AGPAT1: variants seen among roughly 807,000 people sequenced by gnomAD.
AGPAT1 encodes 1-acylglycerol-3-phosphate O-acyltransferase 1.
Under a neutral mutation model 31.2 loss-of-function variants are expected in AGPAT1, and 6 were observed. That is an observed-to-expected ratio of 0.19 (90% CI 0.11 to 0.38). The LOEUF (loss-of-function observed/expected upper bound fraction) is 0.38. Among genes scored for constraint, AGPAT1 ranks in the 10% least tolerant of loss-of-function variants. The pLI is 1.00. For missense variants in AGPAT1, 187 were observed against 377.8 expected (o/e 0.49, Z 4.19); for synonymous variants, 139 against 154.0 (o/e 0.90, Z 0.72).
chr6:32,170,138 A>G lies in AGPAT1; in HGVS notation c.606+27T>C. The G allele has an allele frequency of 6.2e-7, 1 of 1,613,396 alleles. No homozygotes were observed. The highest frequency in any genetic ancestry group is 8.5e-7 in the Non-Finnish European group (1 of 1,179,338). On this transcript the variant is annotated intron_variant, in intron 5 of 6. Transcript: ENST00000375107. The surrounding 1 kb of genome is among the most constrained non-coding windows in gnomAD (Gnocchi z 7.7). ...AGGGAATGGTGGGGGTTGGCAGCTGAGTAGCAGAACGAAGAGCAGTAGTCA... is the reference window on the plus strand; with the variant it reads ...AGGGAATGGTGGGGGTTGGCAGCTGGGTAGCAGAACGAAGAGCAGTAGTCA...
At position 32,170,730 on chromosome 6, in the gene AGPAT1, G is replaced by C. The variant is rs1054303097; in HGVS notation, c.335-130C>G. The C allele has an allele frequency of 1.5e-6, 2 of 1,361,776 alleles. No homozygotes were observed. The highest frequency in any genetic ancestry group is 2.1e-6 in the Non-Finnish European group (2 of 973,724). 84.4% of individuals were successfully genotyped at this position (1,361,776 alleles called of 1,614,324 possible). The stretch of plus-strand genomic sequence containing the variant: ...AGGAGGAGACTAGGCAGGGAGGGGG[G>C]CCCCAAGTGAAGGAAAGGGTGACCA... On this transcript the variant is annotated intron_variant, in intron 3 of 6. Transcript: ENST00000375107. The surrounding 1 kb of genome is among the most constrained non-coding windows in gnomAD (Gnocchi z 7.7).
At chr6:32,176,233 G>T, upstream of AGPAT1, 2 of 825,146 alleles carry the variant, frequency 2.4e-6, no homozygotes, top group Non-Finnish European at 2.9e-6. Context: ...TGCGAGCCCC[G>T]CCCCAGGGCT....
Position 32,169,319 on chromosome 6 carries a change from C to G in AGPAT1, c.809G>C (p.Arg270Pro), listed in dbSNP as rs748794275. 106 of 1,612,810 alleles carry G rather than the reference C, an allele frequency of 6.6e-5. 3 individuals carry two copies. The South Asian group carries it at 1.0e-3, about 15-fold the overall frequency. ...TVFREISTDG[R>P]GGGDYLKKPG... ...CTTCTTCAGATAGTCACCACCACCCCGGCCATCAGTGGAGATTTCCCGGAA... is the reference window on the plus strand; with the variant it reads ...CTTCTTCAGATAGTCACCACCACCCGGGCCATCAGTGGAGATTTCCCGGAA... The change falls in exon 7 of 7, where the codon CGG becomes CCG. Residue 270 changes from arginine (R) to proline (P), a missense_variant. Arg to Pro is a moderately radical substitution (Grantham distance 103). Coordinates refer to ENST00000375107, the MANE Select transcript of AGPAT1 (RefSeq NM_006411.4). The surrounding 1 kb of genome is among the most constrained non-coding windows in gnomAD (Gnocchi z 5.9).
chr6:32,176,110 C>G (rs989148136), upstream of AGPAT1: 35 of 985,626 alleles, frequency 3.6e-5, no homozygotes, highest in African/African-American at 5.9e-4. Flanking sequence ...CTCCCCAACG[C>G]CTGCTGGTTT....
At chr6:32,177,606 C>G (rs1432428754), upstream of AGPAT1, 2 of 152,300 alleles carry the variant, frequency 1.3e-5, no homozygotes, top group African/African-American at 4.8e-5. Flanking sequence ...CGCCGCAGAT[C>G]GATGTTCCCA....
chr6:32,169,831 G>A lies in AGPAT1; in HGVS notation c.679+135C>T. 1.2e-6 allele frequency: 1 copy of A among 811,044 alleles called. No homozygotes were observed. The highest frequency in any genetic ancestry group is 1.6e-5 in the South Asian group (1 of 60,688). 50.2% of individuals were successfully genotyped at this position (811,044 alleles called of 1,614,324 possible). ...GGTGGGTGCTTAGTAAAGACTTATT[G>A]GCTGATGTGGGGTTAGACTAGATGA... On this transcript the variant is annotated intron_variant, in intron 6 of 6. Transcript: ENST00000375107. The surrounding 1 kb of genome is among the most constrained non-coding windows in gnomAD (Gnocchi z 5.9).
chr6:32,175,966 G>A lies in AGPAT1; in HGVS notation c.-162C>T. 1 of 985,628 alleles carries A rather than the reference G, an allele frequency of 1.0e-6. No homozygotes were observed. Among genetic ancestry groups the A allele is most frequent in the Non-Finnish European group, 1.2e-6 (1 of 830,108 alleles). The allele number at this position is 985,628 out of a possible 1,614,324, so 61.1% of individuals were successfully genotyped here. A position where few individuals can be genotyped will look rare whatever the true frequency, so the allele number is the denominator to read the frequency against. On this transcript the variant is annotated 5_prime_UTR_variant, in exon 1 of 7. Transcript: ENST00000375107. This position sits in a 1 kb window ranked among gnomAD's most constrained non-coding sequence, Gnocchi z 4.5. ...GTGTCCTAGCCCCGGCCGATGGAGG[G>A]GAGGTGGGAGTGGGAGGTTGGGCCC... is the stretch of plus-strand genomic sequence containing the variant.
In AGPAT1 at chr6:32,169,290, C is replaced by T. The variant is rs1784834826; in HGVS notation, c.838G>A (p.Gly280Arg). 1.2e-6 allele frequency: 2 copies of T among 1,612,884 alleles called. No individual in the cohort carries two copies. Among genetic ancestry groups the T allele is most frequent in the Non-Finnish European group, 1.7e-6 (2 of 1,179,910 alleles). ...RGGGDYLKKP[G>R]GGG is the part of the protein sequence containing the mutation. ...AGAGCCAGGGTTCACCCACCGCCCCCAGGCTTCTTCAGATAGTCACCACCA... is the reference window on the plus strand; with the variant it reads ...AGAGCCAGGGTTCACCCACCGCCCCTAGGCTTCTTCAGATAGTCACCACCA... Residue 280 changes from glycine to arginine, a missense_variant, in exon 7 of 7, where the codon GGG (glycine) becomes AGG (arginine). Gly to Arg is a moderately radical substitution (Grantham distance 125, BLOSUM62 -2). This residue lies in a region of AGPAT1 where 29 missense variants were observed against 33.8 expected (regional missense o/e 0.86). Transcript: ENST00000375107. This position sits in a 1 kb window ranked among gnomAD's most constrained non-coding sequence, Gnocchi z 5.9.
chr6:32,175,505 G>A lies in AGPAT1; in HGVS notation c.-10+309C>T, dbSNP rs1023649134. 6.6e-6 allele frequency among the ~76,000 whole-genome samples: 1 copy of A among 152,078 alleles called. No individual in the cohort carries two copies. The highest frequency in any genetic ancestry group is 3.2e-3 in the Middle Eastern group (1 of 316). ...TCATGACCCTTCAAGAGTCATGTGG[G>A]GTCAAAGGGCAAGAAAAGGAATTGG... On this transcript the variant is annotated intron_variant, in intron 1 of 6. Transcript: ENST00000375107. The surrounding 1 kb of genome is among the most constrained non-coding windows in gnomAD (Gnocchi z 4.5).
rs957018823 is a variant in AGPAT1 at position 32,173,360 on chromosome 6, T to G, written c.-9-1855A>C. ...TAGAGGAAACAGGAGACCCTGCCAG[T>G]TGGAATACCGTAGGCTTTCTGAGCT... is the stretch of plus-strand genomic sequence containing the variant. On this transcript the variant is annotated intron_variant, in intron 1 of 6. Transcript: ENST00000375107. This position sits in a 1 kb window ranked among gnomAD's most constrained non-coding sequence, Gnocchi z 4.7. Among the ~76,000 whole-genome samples the G allele has an allele frequency of 3.3e-5, 5 of 152,220 alleles. No individual in the cohort carries two copies. Among genetic ancestry groups the G allele is most frequent in the Admixed American group, 6.5e-5 (1 of 15,290 alleles).
rs1462532771 is a variant in AGPAT1, at chr6:32,171,104, C to A, written c.201-34G>T. The A allele has an allele frequency of 1.2e-6, 2 of 1,601,436 alleles. No individual in the cohort carries two copies. The highest frequency in any genetic ancestry group is 2.2e-5 in the South Asian group (2 of 90,250). ...TCATGGCAAGGGGTCCCAGTGGGAT[C>A]CATTGATGTCCATCTGCATGCCTCA... On this transcript the variant is annotated intron_variant, in intron 2 of 6. Transcript: ENST00000375107. This position sits in a 1 kb window ranked among gnomAD's most constrained non-coding sequence, Gnocchi z 6.9.
rs192459962 is a variant in AGPAT1 at position 32,170,809 on chromosome 6, G to C, written c.334+128C>G. 1,137 of 1,323,936 alleles carry C rather than the reference G, an allele frequency of 8.6e-4. 6 individuals are homozygous for C. The highest frequency in any genetic ancestry group is 1.5e-4 in the Non-Finnish European group (146 of 945,424). The allele number at this position is 1,323,936 out of a possible 1,614,324, so 82.0% of individuals were successfully genotyped here. A position where few individuals can be genotyped will look rare whatever the true frequency, so the allele number is the denominator to read the frequency against. On this transcript the variant is annotated intron_variant, in intron 3 of 6. Coordinates refer to ENST00000375107, the MANE Select transcript of AGPAT1 (RefSeq NM_006411.4). This position sits in a 1 kb window ranked among gnomAD's most constrained non-coding sequence, Gnocchi z 7.7. ...AGTTCTACCCAGGGAATGAAGGCCT[G>C]AGTGGGAGGCAAGGGGGCAATGTCC...
Position 32,168,976 on chromosome 6 carries a change from C to G in AGPAT1, c.*300G>C, listed in dbSNP as rs1784801105. ...TCCACTGGGGATGGAATGTTCCCCT[C>G]CCTTGTGTAGGCTGAGTCACTGGAG... On this transcript the variant is annotated 3_prime_UTR_variant, in exon 7 of 7. Coordinates refer to ENST00000375107, the MANE Select transcript of AGPAT1 (RefSeq NM_006411.4). The surrounding 1 kb of genome is among the most constrained non-coding windows in gnomAD (Gnocchi z 4.5). The G allele has an allele frequency of 2.1e-6, 1 of 478,040 alleles. No individual in the cohort carries two copies. The highest frequency in any genetic ancestry group is 3.4e-5 in the Admixed American group (1 of 29,346). The allele number at this position is 478,040 out of a possible 1,614,324, so 29.6% of individuals were successfully genotyped here.
Position 32,169,561 on chromosome 6 carries a change from C to G in AGPAT1, c.680-113G>C. The G allele has an allele frequency of 7.5e-7, 1 of 1,338,936 alleles. No individual in the cohort carries two copies. The highest frequency in any genetic ancestry group is 2.6e-4 in the Middle Eastern group (1 of 3,826). The allele number at this position is 1,338,936 out of a possible 1,614,324, so 82.9% of individuals were successfully genotyped here. On this transcript the variant is annotated intron_variant, in intron 6 of 6. Transcript: ENST00000375107. The surrounding 1 kb of genome is among the most constrained non-coding windows in gnomAD (Gnocchi z 5.9). ...ACCTTTCAGTTCTCTTCCCCCAACCCTGGACAACCATCCCTGGGCTTGCCA... is the reference window on the plus strand; with the variant it reads ...ACCTTTCAGTTCTCTTCCCCCAACCGTGGACAACCATCCCTGGGCTTGCCA...
At chr6:32,176,088 C>A (rs964880937), upstream of AGPAT1, 1 of 979,386 alleles carries the variant, frequency 1.0e-6, no homozygotes, top group Non-Finnish European at 1.2e-6. Context: ...CGCCGCTATT[C>A]CCCCGCCACC....
chr6:32,169,595 T>A lies in AGPAT1; in HGVS notation c.680-147A>T. ...CATCCCTGGGCTTGCCAGCTGCCAC[T>A]TCTGAGGCCCTTCTCCTATACAAAG... On this transcript the variant is annotated intron_variant, in intron 6 of 6. Transcript: ENST00000375107. The surrounding 1 kb of genome is among the most constrained non-coding windows in gnomAD (Gnocchi z 5.9). 1 of 915,078 alleles carries A rather than the reference T, an allele frequency of 1.1e-6. No homozygotes were observed. Among genetic ancestry groups the A allele is most frequent in the South Asian group, 1.6e-5 (1 of 60,884 alleles). 56.7% of individuals were successfully genotyped at this position (915,078 alleles called of 1,614,324 possible). A position where few individuals can be genotyped will look rare whatever the true frequency, so the allele number is the denominator to read the frequency against.
chr6:32,176,926 T>G, upstream of AGPAT1: 1 of 398,234 alleles, frequency 2.5e-6, no homozygotes, highest in Non-Finnish European at 4.4e-6. Flanking sequence ...CTTAATTTGG[T>G]AGCCATGTAT....
Position 32,173,191 on chromosome 6 carries a change from G to A in AGPAT1, c.-9-1686C>T, listed in dbSNP as rs1012623173. Reference sequence around the variant, plus strand: ...CCTCCTTCCTCCACTCTGCCCCAGTGTTGGGGGCAGGGTAACAATTCACAA... The same window carrying A: ...CCTCCTTCCTCCACTCTGCCCCAGTATTGGGGGCAGGGTAACAATTCACAA... On this transcript the variant is annotated intron_variant, in intron 1 of 6. Transcript: ENST00000375107. The surrounding 1 kb of genome is among the most constrained non-coding windows in gnomAD (Gnocchi z 4.7). The A allele has an allele frequency of 6.6e-6, 1 of 152,214 alleles. No homozygotes were observed. Among genetic ancestry groups the A allele is most frequent in the African/African-American group, 2.4e-5 (1 of 41,430 alleles). The allele number at this position is 152,214 out of a possible 1,614,324, so 9.4% of individuals were successfully genotyped here.
chr6:32,177,079 C>A, upstream of AGPAT1: 1 of 398,664 alleles, frequency 2.5e-6, no homozygotes, highest in Non-Finnish European at 4.4e-6. Flanking sequence ...TCCTCATCTG[C>A]CCCAGTCCTT....
Sources: allele counts gnomAD v4.1 joint callset (sites outside exome capture counted in the v4.1 genomes callset), GRCh38; gene constraint gnomAD v4.1.1; regional missense constraint gnomAD v4.1.1; non-coding constraint Gnocchi (gnomAD v3.1); transcripts MANE v1.5; gene names NCBI Gene and HGNC (gene_info 2026-07-23, HGNC 2026-07-21).